DCLRE1C: variants seen among roughly 807,000 people sequenced by gnomAD.
DCLRE1C encodes the protein protein artemis.
In DCLRE1C, 47 loss-of-function variants were observed where a neutral mutation model predicts 61.4. The ratio of observed to expected loss-of-function variants is 0.77; its 90% CI spans 0.61 to 0.98. DCLRE1C has a LOEUF of 0.98. DCLRE1C is among the 50% of genes least tolerant of loss of function. DCLRE1C has a pLI of 0.00. For missense variants in DCLRE1C, 858 were observed against 816.0 expected, an observed-to-expected ratio of 1.05 and a Z score of -0.63; for synonymous variants, 337 against 287.6, an observed-to-expected ratio of 1.17 and a Z score of -1.74.
At chr10:14,939,914 G>A in intron 3 of DCLRE1C, 45 bp from the exon 4 acceptor site, 1 of 1,433,156 alleles carries the variant, frequency 7.0e-7, no homozygotes, top group Non-Finnish European at 9.8e-7. Flanking sequence ...AGTTTTTCAT[G>A]GCTTTATATG....
At chr10:14,901,338 G>A (rs1833990590), downstream of DCLRE1C, 30 of 1,578,844 alleles carry the variant, frequency 1.9e-5, no homozygotes, top group Non-Finnish European at 2.6e-5. Flanking sequence ...ACAGACCTTA[G>A]ATATTTGAAC....
rs753101486 is a variant in DCLRE1C at position 14,908,572 on chromosome 10, G to C, written c.1915C>G (p.Leu639Val). ...HIPEEKSLLNLSTNADSQSSS... is the reference protein window; with the variant it reads ...HIPEEKSLLNVSTNADSQSSS... The stretch of plus-strand genomic sequence containing the variant: ...CTCTGGGAATCTGCATTTGTGCTAA[G>C]ATTTAGCAAACTTTTTTCCTCGGGT... Residue 639 changes from leucine to valine, a missense_variant, in exon 14 of 14, where the codon CTT becomes GTT. By Grantham distance (32) the Leu-to-Val change is conservative. This residue lies in a region of DCLRE1C where 843 missense variants were observed against 783.5 expected (regional missense o/e 1.08). Coordinates refer to ENST00000378278, the MANE Select transcript of DCLRE1C (RefSeq NM_001033855.3). The C allele has an allele frequency of 5.0e-6, 8 of 1,614,148 alleles. No individual in the cohort carries two copies. Among genetic ancestry groups the C allele is most frequent in the Non-Finnish European group, 6.8e-6 (8 of 1,180,028 alleles).
At chr10:14,928,652 TG>T (rs1838435427) in intron 9 of DCLRE1C, among the ~76,000 whole-genome samples, 1 of 152,160 alleles carries the variant, frequency 6.6e-6, no homozygotes, top group Admixed American at 6.6e-5. Context: ...CTGAAGGATT[TG>T]GGGTGACGTA....
chr10:14,919,809 G>C lies in DCLRE1C; in HGVS notation c.1085C>G (p.Ser362Cys). ...VEILKPLCRS[S>C]QSTEPKYKPL... The stretch of plus-strand genomic sequence containing the variant: ...TTTATACTTTGGCTCCGTACTTTGG[G>C]AAGACCGGCATAAAGGCTTTAAGCT... The change falls in exon 13 of 14, where the codon TCC becomes TGC. Residue 362 changes from serine to cysteine, a missense_variant. Ser to Cys is a moderately radical substitution (Grantham distance 112, BLOSUM62 -1). Around this residue, in one of 2 missense-constraint regions of DCLRE1C, gnomAD observed 843 missense variants for 783.5 expected, o/e 1.08. Transcript: ENST00000378278. The C allele has an allele frequency of 6.2e-7, 1 of 1,613,866 alleles. No individual in the cohort carries two copies. Among genetic ancestry groups the C allele is most frequent in the Non-Finnish European group, 8.5e-7 (1 of 1,179,844 alleles).
At position 14,905,481 on chromosome 10, in the gene DCLRE1C, T is replaced by G. The variant is rs1326329590; in HGVS notation, c.*2927A>C. 6.6e-6 allele frequency among the ~76,000 whole-genome samples: 1 copy of G among 152,254 alleles called. No homozygotes were observed. Among genetic ancestry groups the G allele is most frequent in the African/African-American group, 2.4e-5 (1 of 41,476 alleles). On this transcript the variant is annotated 3_prime_UTR_variant, in exon 14 of 14. Transcript: ENST00000378278. ...TGTGCTTCTAATGAACCTGTCAGGT[T>G]GGTGTAAGGTAACAAGCTTAGACTG...
At chr10:14,909,607 GA>G (rs35882715) in intron 13 of DCLRE1C, among the ~76,000 whole-genome samples, 12,248 of 117,810 alleles carry the variant, frequency 0.1, 720 homozygotes, top group African/African-American at 0.21. Flanking sequence ...TTCAAAAAAA[GA>G]AAAAAAAAAA....
rs1255172134 is a variant in DCLRE1C at position 14,919,725 on chromosome 10, C to T, written c.1156+13G>A. The T allele has an allele frequency of 1.9e-6, 3 of 1,604,714 alleles. No homozygotes were observed. The South Asian group carries it at 3.3e-5, about 18-fold the overall frequency. ...GGAGCCCACCCCTCTGAACCCAGGA[C>T]CATTTTTCTTACCTGAGTCTCGGTG... On this transcript the variant is annotated intron_variant, in intron 13 of 13. Coordinates refer to ENST00000378278, the MANE Select transcript of DCLRE1C (RefSeq NM_001033855.3).
At chr10:14,922,351 G>C (rs1297013479) in intron 12 of DCLRE1C, among the ~76,000 whole-genome samples, 1 of 151,680 alleles carries the variant, frequency 6.6e-6, no homozygotes, top group East Asian at 1.9e-4. Context: ...TGAGGCAGGA[G>C]AATCGTTTGA....
At position 14,899,029 on chromosome 10, in the gene DCLRE1C, C is replaced by A. The variant is rs1418375681; in HGVS notation, c.*135G>T. Reference sequence around the variant, plus strand: ...AGTGTTCCAATGTACTGCTCAAATCCTGTTTAAAAAGTCATAAATCAACCA... The same window carrying A: ...AGTGTTCCAATGTACTGCTCAAATCATGTTTAAAAAGTCATAAATCAACCA... On this transcript the variant is annotated 3_prime_UTR_variant, in exon 14 of 14. Transcript: ENST00000378289. The A allele has an allele frequency of 5.2e-6, 3 of 572,764 alleles. No individual in the cohort carries two copies. The East Asian group carries it at 8.3e-5, about 16-fold the overall frequency. 35.5% of individuals were successfully genotyped at this position (572,764 alleles called of 1,614,324 possible). A position where few individuals can be genotyped will look rare whatever the true frequency, so the allele number is the denominator to read the frequency against.
rs1838328152 is a variant in DCLRE1C at position 14,928,109 on chromosome 10, G to C, written c.824C>G (p.Thr275Ser). The C allele has an allele frequency of 6.2e-7, 1 of 1,613,336 alleles. No individual in the cohort carries two copies. Among genetic ancestry groups the C allele is most frequent in the South Asian group, 1.1e-5 (1 of 91,068 alleles). The change falls in exon 10 of 14, where the codon ACT (threonine) becomes AGT (serine). Residue 275 changes from threonine (T) to serine (S), a missense_variant. Coordinates refer to ENST00000378278, the MANE Select transcript of DCLRE1C (RefSeq NM_001033855.3). ...GTGGAGTGGAATTCTATTTCTGGAA[G>C]TAATTCCACAGGGTAATTTGCTCCA... ...FQWSKLPCGITSRNRIPLHII... is the reference protein window; with the variant it reads ...FQWSKLPCGISSRNRIPLHII...
chr10:14,913,234 C>A (rs1241742917), intron 13 of DCLRE1C, among the ~76,000 whole-genome samples: 1 of 152,160 alleles, frequency 6.6e-6, no homozygotes, highest in South Asian at 2.1e-4. Context: ...GGCCTAAGGC[C>A]GGGAATAGTA....
intron 13 of DCLRE1C, among the ~76,000 whole-genome samples, chr10:14,917,496 A>C (rs971271478): frequency 3.3e-5 from 5 of 152,040 alleles, no homozygotes; most frequent in African/African-American, 1.2e-4. Flanking sequence ...TAAAAAAAAA[A>C]AACAAAAAAA....
chr10:14,914,974 T>TA (rs968804718), intron 13 of DCLRE1C, among the ~76,000 whole-genome samples: 1 of 151,722 alleles, frequency 6.6e-6, no homozygotes, highest in Non-Finnish European at 1.5e-5. Flanking sequence ...GTATGTTCTC[T>TA]AACCACAATA....
intron 9 of DCLRE1C, among the ~76,000 whole-genome samples, chr10:14,929,070 G>C (rs930003316): frequency 6.6e-6 from 1 of 152,164 alleles, no homozygotes. Context: ...GAGAGCCACT[G>C]GGCCCAGACC....
At chr10:14,949,108 A>G (rs1212588040) in intron 1 of DCLRE1C, 21 bp from the exon 2 acceptor site, 2 of 1,556,658 alleles carry the variant, frequency 1.3e-6, no homozygotes, top group African/African-American at 2.7e-5. Context: ...AAGAACAAAA[A>G]CTCATGAATA....
chr10:14,940,687 A>G (rs1840723844), intron 3 of DCLRE1C, among the ~76,000 whole-genome samples: 1 of 152,236 alleles, frequency 6.6e-6, no homozygotes. Flanking sequence ...TAAGTATCTG[A>G]TGAATAGATC....
chr10:14,925,252 A>G (rs1342233949), intron 11 of DCLRE1C, among the ~76,000 whole-genome samples: 1 of 149,842 alleles, frequency 6.7e-6, no homozygotes, highest in Non-Finnish European at 1.5e-5. Context: ...AAAAAAAGTA[A>G]AGTCAAGCCT....
downstream of DCLRE1C, chr10:14,899,645 C>T: frequency 6.2e-7 from 1 of 1,613,936 alleles, no homozygotes; most frequent in Non-Finnish European, 8.5e-7. Flanking sequence ...ACAGTGGATG[C>T]GGCTCGATAC....
intron 2 of DCLRE1C, chr10:14,945,711 T>A (rs1672924727): frequency 4.1e-6 from 2 of 482,130 alleles, no homozygotes; most frequent in Non-Finnish European, 5.2e-6. Context: ...CAGGCTGGAG[T>A]GCAATGGTGT....
Sources: gnomAD v4.1 joint callset for allele counts (sites outside exome capture counted in the v4.1 genomes callset) on GRCh38, gnomAD v4.1.1 for gene constraint, gnomAD v4.1.1 regional missense constraint, MANE v1.5 for transcripts, NCBI Gene and HGNC (gene_info 2026-07-23, HGNC 2026-07-21) for gene names.